Variants in CD44 observed in about 807,000 individuals in gnomAD.
The protein encoded by CD44 is CD44 molecule (IN blood group).
CD44 carries 49 observed loss-of-function variants against 88.8 expected under a neutral mutation model. The ratio of observed to expected loss-of-function variants is 0.55; its 90% CI spans 0.44 to 0.70. The LOEUF (loss-of-function observed/expected upper bound fraction) is 0.70. CD44 is among the 30% of genes least tolerant of loss of function. CD44 has a pLI of 0.00. For missense variants in CD44, 883 were observed against 913.8 expected, an observed-to-expected ratio of 0.97 and a Z score of 0.43; for synonymous variants, 325 against 312.3, an observed-to-expected ratio of 1.04 and a Z score of -0.43.
At chr11:35,205,873 G>A (rs1481073694) in intron 10 of CD44, 2 of 1,147,848 alleles carry the variant, frequency 1.7e-6, no homozygotes, top group East Asian at 9.2e-5. Flanking sequence ...CACTGCGGGA[G>A]TTGTTAATGC....
chr11:35,179,892 A>G (rs1201031056), intron 2 of CD44, among the ~76,000 whole-genome samples: 1 of 152,200 alleles, frequency 6.6e-6, no homozygotes, highest in Non-Finnish European at 1.5e-5. Flanking sequence ...TCTGGAAAAC[A>G]TGAAGGTATT....
At chr11:35,192,581 G>A (rs1946367378) in intron 5 of CD44, among the ~76,000 whole-genome samples, 1 of 152,128 alleles carries the variant, frequency 6.6e-6, no homozygotes, top group Admixed American at 6.5e-5. Context: ...TGAAGGGCCT[G>A]TAGTGGGTGG....
At chr11:35,222,725 A>G in intron 17 of CD44, 1 of 960,036 alleles carries the variant, frequency 1.0e-6, no homozygotes, top group Non-Finnish European at 1.2e-6. Context: ...TTCTTACCCA[A>G]GACACTTTAA....
chr11:35,145,760 GAGA>G (rs1859020286), intron 1 of CD44, among the ~76,000 whole-genome samples: 1 of 152,208 alleles, frequency 6.6e-6, no homozygotes, highest in Middle Eastern at 3.2e-3. Flanking sequence ...TGGCAGAGGA[GAGA>G]AGTAGAAGTA....
intron 5 of CD44, among the ~76,000 whole-genome samples, chr11:35,195,872 C>T (rs750359352): frequency 9.2e-5 from 14 of 152,020 alleles, no homozygotes; most frequent in Non-Finnish European, 1.5e-4. Context: ...AATATAGTTT[C>T]ACATAAGAAA....
intron 1 of CD44, among the ~76,000 whole-genome samples, chr11:35,142,573 A>G (rs927447607): frequency 6.6e-6 from 1 of 152,160 alleles, no homozygotes; most frequent in Non-Finnish European, 1.5e-5. Context: ...GCTGGGAGTT[A>G]GAACTTTAGC....
intron 17 of CD44, chr11:35,223,290 T>A: frequency 1.0e-6 from 1 of 985,300 alleles, no homozygotes. Context: ...TTCCCTTGGA[T>A]TACTTTTGCT....
chr11:35,208,242 G>C lies in CD44; in HGVS notation c.1516+36G>C, dbSNP rs1158166726. 9 of 1,343,092 alleles carry C rather than the reference G, an allele frequency of 6.7e-6. No homozygotes were observed. The African/African-American group carries it at 1.0e-4, about 15-fold the overall frequency. 83.2% of individuals were successfully genotyped at this position (1,343,092 alleles called of 1,614,324 possible). A position where few individuals can be genotyped will look rare whatever the true frequency, so the allele number is the denominator to read the frequency against. ...CGATGCTCAGCCACTTTATTGACTTGTATTCCTGCTTCATCTCTTACTCGC... is the reference window on the plus strand; with the variant it reads ...CGATGCTCAGCCACTTTATTGACTTCTATTCCTGCTTCATCTCTTACTCGC... On this transcript the variant is annotated intron_variant, in intron 12 of 17. Coordinates refer to ENST00000428726, the MANE Select transcript of CD44 (RefSeq NM_000610.4).
Position 35,228,712 on chromosome 11 carries a change from C to T in CD44, c.2025-417C>T, listed in dbSNP as rs1199493317. On this transcript the variant is annotated intron_variant, in intron 17 of 17. Transcript: ENST00000428726. ...GAATATAGAGAATATAATAATAACA[C>T]CGGCTTCCTGGAGTCTTAGTTGCTG... 3.9e-5 allele frequency among the ~76,000 whole-genome samples: 6 copies of T among 152,166 alleles called. No homozygotes were observed. The South Asian group carries it at 1.2e-3, about 32-fold the overall frequency.
At chr11:35,147,418 C>T (rs1383361085) in intron 1 of CD44, among the ~76,000 whole-genome samples, 1 of 152,092 alleles carries the variant, frequency 6.6e-6, no homozygotes, top group Non-Finnish European at 1.5e-5. Flanking sequence ...GATGACCAGG[C>T]TTCTATTTGG....
At position 35,204,361 on chromosome 11, in the gene CD44, C is replaced by T. The variant is rs189483738; in HGVS notation, c.1154-151C>T. ...TTGGATCATTTGATTTCTCATATCC[C>T]TTTTAGAATATCAGTGGCCTGTTTC... On this transcript the variant is annotated intron_variant, in intron 9 of 17. Transcript: ENST00000428726. The T allele has an allele frequency of 2.6e-4, 171 of 663,036 alleles. 1 individual carries two copies. In the East Asian group the frequency reaches 4.6e-3, roughly 18 times the overall value. 41.1% of individuals were successfully genotyped at this position (663,036 alleles called of 1,614,324 possible). A position where few individuals can be genotyped will look rare whatever the true frequency, so the allele number is the denominator to read the frequency against.
In CD44 at chr11:35,208,123, G is replaced by T. The variant is rs749781691; in HGVS notation, c.1433G>T (p.Ser478Ile). The T allele has an allele frequency of 6.2e-7, 1 of 1,607,208 alleles. No individual in the cohort carries two copies. The change falls in exon 12 of 18, where the codon AGT (serine) becomes ATT (isoleucine). Residue 478 changes from serine (S) to isoleucine (I), a missense_variant. By Grantham distance (142) the Ser-to-Ile change is moderately radical (BLOSUM62 -2). Around this residue, in one of 2 missense-constraint regions of CD44, gnomAD observed 631 missense variants for 590.9 expected, o/e 1.07. Coordinates refer to ENST00000428726, the MANE Select transcript of CD44 (RefSeq NM_000610.4). ...GRRMDMDSSH[S>I]ITLQPTANPN... ...CCTTCAGATATGGACTCCAGTCATA[G>T]TATAACGCTTCAGCCTACTGCAAAT...
At chr11:35,199,931 G>GTTTTT (rs1565118834) in intron 7 of CD44, among the ~76,000 whole-genome samples, 3 of 36,162 alleles carry the variant, frequency 8.3e-5, no homozygotes, top group African/African-American at 2.3e-4. Flanking sequence ...TTCCCATGGT[G>GTTTTT]TTGTTTTTTT....
chr11:35,150,000 C>T (rs534643314), intron 1 of CD44, among the ~76,000 whole-genome samples: 1 of 152,210 alleles, frequency 6.6e-6, no homozygotes, highest in Non-Finnish European at 1.5e-5. Context: ...AGTCACACAA[C>T]TGAAACTGCA....
At chr11:35,196,950 T>C in intron 6 of CD44, 76 bp downstream of exon 6, 1 of 1,475,936 alleles carries the variant, frequency 6.8e-7, no homozygotes, top group African/African-American at 1.4e-5. Context: ...TCTGGGATGT[T>C]ATTAAAGCCT....
chr11:35,144,953 C>T (rs968346963), intron 1 of CD44, among the ~76,000 whole-genome samples: 2 of 152,216 alleles, frequency 1.3e-5, no homozygotes, highest in Non-Finnish European at 1.5e-5. Flanking sequence ...TTCCTCCCCT[C>T]TCCATTGCTC....
intron 1 of CD44, among the ~76,000 whole-genome samples, chr11:35,164,850 C>A (rs1007325951): frequency 1.3e-5 from 2 of 152,206 alleles, no homozygotes; most frequent in African/African-American, 4.8e-5. Flanking sequence ...TGGGCTGCAG[C>A]CTTTGAGCTG....
intron 5 of CD44, among the ~76,000 whole-genome samples, chr11:35,195,866 T>G (rs7115768): frequency 0.06 from 9,067 of 152,192 alleles, 292 homozygotes; most frequent in Middle Eastern, 0.082. Context: ...TTGCAAAATA[T>G]AGTTTCACAT....
rs564601015 is a variant in CD44 at position 35,154,752 on chromosome 11, G to A, written c.67+15382G>A. Among the ~76,000 whole-genome samples the A allele has an allele frequency of 7.9e-5, 12 of 152,258 alleles. No individual in the cohort carries two copies. The South Asian group carries it at 1.5e-3, about 18-fold the overall frequency. ...TATGCATCAAACCATCATGTGTCTC[G>A]TGTGATTGTTATCTGTTGTGTATAT... On this transcript the variant is annotated intron_variant, in intron 1 of 17. Transcript: ENST00000428726.
Sources: allele counts gnomAD v4.1 joint callset (sites outside exome capture counted in the v4.1 genomes callset), GRCh38; gene constraint gnomAD v4.1.1; regional missense constraint gnomAD v4.1.1; transcripts MANE v1.5; gene names NCBI Gene and HGNC (gene_info 2026-07-23, HGNC 2026-07-21).